Variants in NCBP2L observed in about 807,000 individuals in gnomAD.
NCBP2L encodes nuclear cap-binding protein subunit 2-like.
For synonymous variants in NCBP2L, 39 were observed against 19.2 expected, an observed-to-expected ratio of 2.04 and a Z score of -2.70; for missense variants, 95 against 53.1, an observed-to-expected ratio of 1.79 and a Z score of -2.45.
At chrX:107,781,604 C>T (rs1930270224) in intron 1 of NCBP2L, among the ~76,000 whole-genome samples, 1 of 100,045 alleles carries the variant, frequency 1.0e-5, no homozygotes, top group Non-Finnish European at 2.0e-5. Flanking sequence ...TGAGCCACCA[C>T]ACCCAGCCTG....
At chrX:107,781,674 CTA>C (rs1360396343) in intron 1 of NCBP2L, among the ~76,000 whole-genome samples, 9 of 73,359 alleles carry the variant, frequency 1.2e-4, no homozygotes, top group East Asian at 3.5e-4. Flanking sequence ...ATCTATCTAT[CTA>C]TCTCTCTCTC....
chrX:107,792,692 A>G (rs1277768896), intron 1 of NCBP2L, among the ~76,000 whole-genome samples: 1 of 111,566 alleles, frequency 9.0e-6, no homozygotes, highest in Non-Finnish European at 1.9e-5. Context: ...CCAGCCCTGC[A>G]ACACACACAT....
chrX:107,781,676 A>ATCTATCTATCTATCTATCTC lies in NCBP2L; in HGVS notation c.-73+3821_-73+3822insATCTATCTATCTATCTCTCT, dbSNP rs1380779020. On this transcript the variant is annotated intron_variant, in intron 1 of 1. Coordinates refer to ENST00000509000, the MANE Select transcript of NCBP2L (RefSeq NM_001348372.2). Reference sequence around the variant, plus strand: ...CATCTATCTATCTATCTATCTATCTATCTCTCTCTCTCTCTCTATATATAT... The same window carrying ATCTATCTATCTATCTATCTC: ...CATCTATCTATCTATCTATCTATCTATCTATCTATCTATCTATCTCTCTCTCTCTCTCTCTCTATATATAT... 4.7e-3 allele frequency among the ~76,000 whole-genome samples: 265 copies of ATCTATCTATCTATCTATCTC among 55,862 alleles called. 1 individual carries two copies. The highest frequency in any genetic ancestry group is 0.028 in the African/African-American group (243 of 8,800). The allele number at this position is 55,862 out of a possible 115,157, so 48.5% of individuals were successfully genotyped here.
At chrX:107,792,211 C>G (rs1349619753) in intron 1 of NCBP2L, among the ~76,000 whole-genome samples, 1 of 111,348 alleles carries the variant, frequency 9.0e-6, no homozygotes, top group Non-Finnish European at 1.9e-5. Context: ...TCAACAAATG[C>G]CTGAAGCATC....
rs891316975 is a variant in NCBP2L at position 107,785,907 on chromosome X, T to C, written c.-73+8049T>C. ...GAGAAGGGCGATCATGTTGGAGAGTTAGCTTGCAAGGCCTTGATATTGTTT... is the reference window on the plus strand; with the variant it reads ...GAGAAGGGCGATCATGTTGGAGAGTCAGCTTGCAAGGCCTTGATATTGTTT... On this transcript the variant is annotated intron_variant, in intron 1 of 1. Coordinates refer to ENST00000509000, the MANE Select transcript of NCBP2L (RefSeq NM_001348372.2). 8.2e-5 allele frequency among the ~76,000 whole-genome samples: 9 copies of C among 110,410 alleles called. No individual in the cohort carries two copies. In the Admixed American group the frequency reaches 8.7e-4, roughly 11 times the overall value.
At chrX:107,793,748 GC>G (rs1403416988) in intron 1 of NCBP2L, among the ~76,000 whole-genome samples, 4 of 112,007 alleles carry the variant, frequency 3.6e-5, no homozygotes, top group African/African-American at 1.3e-4. Context: ...CTGTACTTGT[GC>G]TTTAACATTG....
chrX:107,784,049 C>T (rs1930364156), intron 1 of NCBP2L, among the ~76,000 whole-genome samples: 1 of 111,154 alleles, frequency 9.0e-6, no homozygotes, highest in Non-Finnish European at 1.9e-5. Flanking sequence ...GAGATGATGG[C>T]TTGAAGGATG....
chrX:107,780,002 C>A (rs1930245258), intron 1 of NCBP2L, among the ~76,000 whole-genome samples: 1 of 109,357 alleles, frequency 9.1e-6, no homozygotes. Context: ...TCTCGGCCTC[C>A]CAAAGTGCTG....
intron 1 of NCBP2L, among the ~76,000 whole-genome samples, chrX:107,783,373 TTTTTTTA>T (rs1261508915): frequency 3.2e-4 from 29 of 89,901 alleles, no homozygotes; most frequent in Admixed American, 6.1e-4. Context: ...TTTTTTTTTT[TTTTTTTA>T]TTTTTTATTT....
intron 1 of NCBP2L, among the ~76,000 whole-genome samples, chrX:107,787,756 C>A (rs149654409): frequency 1.8e-5 from 2 of 111,904 alleles, no homozygotes; most frequent in African/African-American, 3.3e-5. Flanking sequence ...TGTAGTAACA[C>A]TACTGTCCCA....
Position 107,794,576 on chromosome X carries a change from A to C in NCBP2L, c.356A>C (p.Glu119Ala), listed in dbSNP as rs776858350. 3.2e-5 allele frequency: 18 copies of C among 567,769 alleles called. No homozygotes were observed. The highest frequency in any genetic ancestry group is 5.5e-5 in the Non-Finnish European group (17 of 309,103). 46.8% of individuals were successfully genotyped at this position (567,769 alleles called of 1,213,427 possible). ...ACTGATTGGGATGTCGGTTTTAGAG[A>C]GGGTCAACAGTATGGTCGCGGTAAA... ...ICTDWDVGFR[E>A]GQQYGRGKSG... is the part of the protein sequence containing the mutation. The change falls in exon 2 of 2, where the codon GAG becomes GCG. Residue 119 changes from glutamate to alanine, a missense_variant. By Grantham distance (107) the Glu-to-Ala change is moderately radical (BLOSUM62 -1). Transcript: ENST00000509000.
At chrX:107,778,964 TGTG>T (rs1930229681) in intron 1 of NCBP2L, among the ~76,000 whole-genome samples, 1 of 110,155 alleles carries the variant, frequency 9.1e-6, no homozygotes, top group Non-Finnish European at 1.9e-5. Context: ...ATGTCTTGGG[TGTG>T]GAGGAGGGGT....
At chrX:107,781,905 A>G (rs1930297851) in intron 1 of NCBP2L, among the ~76,000 whole-genome samples, 1 of 90,002 alleles carries the variant, frequency 1.1e-5, no homozygotes, top group African/African-American at 4.1e-5. Context: ...TGGTATTTTT[A>G]GTAGAGACAG....
At chrX:107,781,706 ATATAGATCTATAGATATCTATAGATC>A (rs1379152277) in intron 1 of NCBP2L, among the ~76,000 whole-genome samples, 1 of 79,397 alleles carries the variant, frequency 1.3e-5, no homozygotes, top group Non-Finnish European at 2.2e-5. Context: ...ATATATATAT[ATATAGATCTATAGATATCTATAGATC>A]TATATATAGA....
At chrX:107,789,018 C>G (rs1465566422) in intron 1 of NCBP2L, among the ~76,000 whole-genome samples, 1 of 111,050 alleles carries the variant, frequency 9.0e-6, no homozygotes, top group African/African-American at 3.3e-5. Context: ...TACCTCCACT[C>G]TGCTTCACCA....
chrX:107,785,310 A>G (rs1930383521), intron 1 of NCBP2L, among the ~76,000 whole-genome samples: 1 of 111,429 alleles, frequency 9.0e-6, no homozygotes, highest in Non-Finnish European at 1.9e-5. Flanking sequence ...GTGTATGTAG[A>G]TTATAAATAT....
intron 1 of NCBP2L, among the ~76,000 whole-genome samples, chrX:107,784,560 C>A (rs757652286): frequency 1.8e-5 from 2 of 110,135 alleles, no homozygotes; most frequent in Admixed American, 2.0e-4. Context: ...ATGTTCAGAA[C>A]TTTTCCCGAT....
chrX:107,782,276 A>AATATATATAAATATATATATAAAT (rs1930320343), intron 1 of NCBP2L, among the ~76,000 whole-genome samples: 1 of 17,875 alleles, frequency 5.6e-5, no homozygotes, highest in Non-Finnish European at 7.1e-5. Flanking sequence ...TATATATATA[A>AATATATATAAATATATATATAAAT]ATATATATAA....
chrX:107,783,231 C>T (rs1397426425), intron 1 of NCBP2L, among the ~76,000 whole-genome samples: 1 of 108,693 alleles, frequency 9.2e-6, no homozygotes, highest in Admixed American at 9.9e-5. Context: ...GCCTGTAATT[C>T]TAGCACTTTG....
Sources: allele counts gnomAD v4.1 joint callset (sites outside exome capture counted in the v4.1 genomes callset), GRCh38; gene constraint gnomAD v4.1.1; transcripts MANE v1.5; gene names NCBI Gene and HGNC (gene_info 2026-07-23, HGNC 2026-07-21).